Variants in PARD3B observed in about 807,000 individuals in gnomAD.
PARD3B encodes par-3 family cell polarity regulator beta.
Under a neutral mutation model 130.2 loss-of-function variants are expected in PARD3B, and 103 were observed. The ratio of observed to expected loss-of-function variants is 0.79; its 90% CI spans 0.67 to 0.93. The LOEUF is 0.93. Ranked by LOEUF, PARD3B falls within the 40% of genes least tolerant of loss-of-function variation. PARD3B has a pLI of 0.00. For missense variants in PARD3B, 1,609 were observed against 1,499.2 expected (o/e 1.07, Z -1.21); for synonymous variants, 583 against 553.2 (o/e 1.05, Z -0.76).
chr2:204,944,929 A>G (rs6724164), intron 2 of PARD3B, among the ~76,000 whole-genome samples: 101 of 152,194 alleles, frequency 6.6e-4, no homozygotes, highest in Middle Eastern at 6.8e-3. Flanking sequence ...AAATTGCACA[A>G]AGTGCATTTG....
At chr2:204,563,357 C>T (rs185197383) in intron 1 of PARD3B, among the ~76,000 whole-genome samples, 91 of 149,054 alleles carry the variant, frequency 6.1e-4, no homozygotes, top group African/African-American at 2.1e-3. Flanking sequence ...TCTGTAAAGA[C>T]TCTGTTTCTA....
At chr2:205,219,569 T>G (rs1243970995) in intron 15 of PARD3B, among the ~76,000 whole-genome samples, 1 of 147,066 alleles carries the variant, frequency 6.8e-6, no homozygotes. Flanking sequence ...GAAGAGAAAT[T>G]TTTTGATAGC....
intron 3 of PARD3B, among the ~76,000 whole-genome samples, chr2:204,980,723 A>C (rs998541572): frequency 4.6e-5 from 7 of 152,210 alleles, no homozygotes; most frequent in African/African-American, 9.6e-5. Context: ...AACATTTTAC[A>C]AAATACCTGA....
chr2:205,192,407 G>C (rs13398318), intron 14 of PARD3B, among the ~76,000 whole-genome samples: 5,928 of 152,170 alleles, frequency 0.039, 163 homozygotes, highest in East Asian at 0.086. Context: ...AAACAGATGA[G>C]AGTGCCAAGG....
At chr2:205,159,692 G>A (rs892058902) in intron 11 of PARD3B, among the ~76,000 whole-genome samples, 4 of 152,288 alleles carry the variant, frequency 2.6e-5, no homozygotes, top group Non-Finnish European at 2.9e-5. Context: ...AAGGATACAC[G>A]TTTGCACCTC....
intron 16 of PARD3B, among the ~76,000 whole-genome samples, chr2:205,284,995 T>TG (rs1230186989): frequency 4.7e-5 from 7 of 148,138 alleles, no homozygotes; most frequent in African/African-American, 1.8e-4. Context: ...ACAAAACAGT[T>TG]TTTTTTTTTT....
In PARD3B at chr2:204,906,075, ATAATGGCTTAT is replaced by A. The variant is rs2047032382; in HGVS notation, c.223-59073_223-59063del. Among the ~76,000 whole-genome samples, 1 of 152,220 alleles carries A rather than the reference ATAATGGCTTAT, an allele frequency of 6.6e-6. No individual in the cohort carries two copies. The highest frequency in any genetic ancestry group is 1.5e-5 in the Non-Finnish European group (1 of 68,030). ...TTTGGGCTAGAGTAATTTTTGCTAA[ATAATGGCTTAT>A]TAAAGGGTTCCTGATGGTAGTTTGT... On this transcript the variant is annotated intron_variant, in intron 2 of 22. Coordinates refer to ENST00000406610, the MANE Select transcript of PARD3B (RefSeq NM_001302769.2). This position sits in a 1 kb window ranked among gnomAD's most constrained non-coding sequence, Gnocchi z 4.3.
At chr2:205,368,865 A>AGC (rs1559709743) in intron 18 of PARD3B, among the ~76,000 whole-genome samples, 4 of 151,122 alleles carry the variant, frequency 2.6e-5, no homozygotes, top group South Asian at 2.1e-4. Context: ...GAAAACAAAA[A>AGC]AAAAAAAAAC....
intron 22 of PARD3B, among the ~76,000 whole-genome samples, chr2:205,560,963 CTTTAATGTTTCAGTTGGTTCATTTTA>C (rs1361737916): frequency 6.6e-6 from 1 of 152,228 alleles, no homozygotes; most frequent in African/African-American, 2.4e-5. Context: ...CATGCTTCCA[CTTTAATGTTTCAGTTGGTTCATTTTA>C]TTGGTCTCAG....
At chr2:205,388,366 T>C (rs1348698444) in intron 18 of PARD3B, among the ~76,000 whole-genome samples, 2 of 152,188 alleles carry the variant, frequency 1.3e-5, no homozygotes, top group East Asian at 1.9e-4. Flanking sequence ...TACACTTACA[T>C]AGCAGAATAG....
chr2:204,583,530 A>G (rs571301385), intron 1 of PARD3B, among the ~76,000 whole-genome samples: 5 of 122,666 alleles, frequency 4.1e-5, no homozygotes, highest in Admixed American at 8.5e-5. Context: ...ATGCTAGATG[A>G]CGAGTTAGTG....
chr2:205,474,028 C>T (rs898839941), intron 20 of PARD3B, among the ~76,000 whole-genome samples: 1 of 151,554 alleles, frequency 6.6e-6, no homozygotes, highest in African/African-American at 2.4e-5. Context: ...CACCACAACC[C>T]GGTAATAAGG....
chr2:205,432,297 C>T (rs2047365487), intron 19 of PARD3B, among the ~76,000 whole-genome samples: 1 of 152,186 alleles, frequency 6.6e-6, no homozygotes, highest in Admixed American at 6.5e-5. Flanking sequence ...CCACTTCACT[C>T]TGTTCTCAAC....
chr2:205,609,536 C>T (rs1335100021), intron 22 of PARD3B, among the ~76,000 whole-genome samples: 1 of 152,106 alleles, frequency 6.6e-6, no homozygotes, highest in Non-Finnish European at 1.5e-5. Flanking sequence ...AAAAGGAAAC[C>T]CATAAAGGCT....
At chr2:204,797,088 T>C (rs914095192) in intron 2 of PARD3B, among the ~76,000 whole-genome samples, 3 of 148,262 alleles carry the variant, frequency 2.0e-5, no homozygotes, top group African/African-American at 7.5e-5. Context: ...GGCAGGAGAA[T>C]CGCTTGAACC....
chr2:205,042,303 A>C (rs981819702), intron 3 of PARD3B, among the ~76,000 whole-genome samples: 1 of 152,156 alleles, frequency 6.6e-6, no homozygotes, highest in South Asian at 2.1e-4. Context: ...TTGGGAACTG[A>C]CTTCACTTTC....
chr2:204,730,961 G>A (rs1422989602), intron 2 of PARD3B, among the ~76,000 whole-genome samples: 1 of 152,186 alleles, frequency 6.6e-6, no homozygotes, highest in African/African-American at 2.4e-5. Flanking sequence ...AGATTTCAGT[G>A]ACAGTAGCCT....
chr2:205,171,277 G>A (rs541874311), intron 11 of PARD3B, among the ~76,000 whole-genome samples: 2 of 152,300 alleles, frequency 1.3e-5, no homozygotes, highest in African/African-American at 4.8e-5. Context: ...GAGTCTGGCT[G>A]TCAACATTTC....
At chr2:204,960,453 T>C (rs1345418405) in intron 2 of PARD3B, among the ~76,000 whole-genome samples, 1 of 152,130 alleles carries the variant, frequency 6.6e-6, no homozygotes, top group African/African-American at 2.4e-5. Flanking sequence ...AAGGAGGAAT[T>C]TATCGGCCAT....
Sources: gnomAD v4.1 joint callset for allele counts (sites outside exome capture counted in the v4.1 genomes callset) on GRCh38, gnomAD v4.1.1 for gene constraint, Gnocchi (gnomAD v3.1) non-coding constraint, MANE v1.5 for transcripts, NCBI Gene and HGNC (gene_info 2026-07-23, HGNC 2026-07-21) for gene names.